The following TMEM67 variants were observed in gnomAD, a reference collection of about 807,000 sequenced individuals.
TMEM67 encodes the protein meckelin.
TMEM67 carries 124 observed loss-of-function variants against 136.6 expected under a neutral mutation model. The observed-to-expected ratio is 0.91, with a 90% CI of 0.78 to 1.05. The LOEUF (loss-of-function observed/expected upper bound fraction) is 1.05. TMEM67 is among the 50% of genes least tolerant of loss of function. TMEM67 has a pLI of 0.00. For missense variants in TMEM67, 1,107 were observed against 1,178.4 expected (o/e 0.94, Z 0.89); for synonymous variants, 364 against 390.5 (o/e 0.93, Z 0.80).
At position 93,786,322 on chromosome 8, in the gene TMEM67, G is replaced by C. The variant is rs369219859; in HGVS notation, c.1388G>C (p.Arg463Pro). 6.2e-7 allele frequency: 1 copy of C among 1,613,916 alleles called. No individual in the cohort carries two copies. The highest frequency in any genetic ancestry group is 1.1e-5 in the South Asian group (1 of 91,080). ...TTAGGAACTCAGCCAAGAGTAATTC[G>C]AGTTGCTACTCAAATATCACTGAGG... is the stretch of plus-strand genomic sequence containing the variant. ...NDLGTQPRVI[R>P]VATQISLSVH... The change falls in exon 13 of 28, where the codon CGA becomes CCA. Residue 463 changes from arginine to proline, a missense_variant. By Grantham distance (103) the Arg-to-Pro change is moderately radical. Coordinates refer to ENST00000453321, the MANE Select transcript of TMEM67 (RefSeq NM_153704.6).
At position 93,816,643 on chromosome 8, in the gene TMEM67, A is replaced by G. The variant is rs1808921555; in HGVS notation, c.*191A>G. 6.8e-6 allele frequency: 3 copies of G among 441,696 alleles called. No homozygotes were observed. The highest frequency in any genetic ancestry group is 7.5e-5 in the Admixed American group (2 of 26,676). 27.4% of individuals were successfully genotyped at this position (441,696 alleles called of 1,614,324 possible). On this transcript the variant is annotated 3_prime_UTR_variant, in exon 28 of 28. Transcript: ENST00000453321. ...ATATAATAGAAAATACTGTTTTCCC[A>G]TTGTGTGTAGTATTTAATGCAGTAA... is the stretch of plus-strand genomic sequence containing the variant.
rs185880433 is a variant in TMEM67 at position 93,797,652 on chromosome 8, T to C, written c.2100+182T>C. Among the ~76,000 whole-genome samples the C allele has an allele frequency of 2.7e-3, 410 of 152,304 alleles. 2 individuals carry two copies. Among genetic ancestry groups the C allele is most frequent in the African/African-American group, 9.5e-3 (393 of 41,566 alleles). ...ATTTTACCACAATTCTTTTTTTAAG[T>C]TTACCATCTTAAGCATTTTTAAGTG... On this transcript the variant is annotated intron_variant, in intron 20 of 27. Transcript: ENST00000453321.
At chr8:93,772,240 G>C (rs1350447163) in intron 6 of TMEM67, among the ~76,000 whole-genome samples, 3 of 152,080 alleles carry the variant, frequency 2.0e-5, no homozygotes, top group Non-Finnish European at 2.9e-5. Context: ...ATTTGGTACA[G>C]TATTTATAAT....
chr8:93,798,238 G>T (rs895165916), intron 20 of TMEM67, among the ~76,000 whole-genome samples: 1 of 151,948 alleles, frequency 6.6e-6, no homozygotes, highest in Non-Finnish European at 1.5e-5. Flanking sequence ...GAATCCCTTG[G>T]GGATCTTTTG....
At chr8:93,804,521 A>T (rs1586082385) in intron 22 of TMEM67, among the ~76,000 whole-genome samples, 1 of 101,088 alleles carries the variant, frequency 9.9e-6, no homozygotes, top group East Asian at 2.7e-4. Flanking sequence ...GAGTTTCCCT[A>T]TGTTGCCCAG....
the TMEM67 span, among the ~76,000 whole-genome samples, chr8:93,825,088 G>A: frequency 6.6e-6 from 1 of 152,204 alleles, no homozygotes; most frequent in Non-Finnish European, 1.5e-5. Flanking sequence ...GATTGAAGGA[G>A]ATAATAGAAG....
At chr8:93,805,652 A>ATTTTAATT (rs1229753607) in intron 23 of TMEM67, among the ~76,000 whole-genome samples, 12 of 152,258 alleles carry the variant, frequency 7.9e-5, no homozygotes, top group Non-Finnish European at 1.3e-4. Context: ...AAAGAATCTA[A>ATTTTAATT]TTTTAATTTT....
chr8:93,797,224 G>A lies in TMEM67; in HGVS notation c.1951G>A (p.Ala651Thr). The change falls in exon 19 of 28, where the codon GCT becomes ACT. Residue 651 changes from alanine to threonine, a missense_variant. Ala to Thr is a moderately conservative substitution (Grantham distance 58). This residue lies in a region of TMEM67 where 925 missense variants were observed against 1,002.4 expected (regional missense o/e 0.92). Transcript: ENST00000453321. ...GCGACCTAAAGGAAAGGTTCTTAAAGCTGTTGAAGGTAACTGAAATAAAAA... is the reference window on the plus strand; with the variant it reads ...GCGACCTAAAGGAAAGGTTCTTAAAACTGTTGAAGGTAACTGAAATAAAAA... ...WERPKGKVLKAVEGEGGVRSA... is the reference protein window; with the variant it reads ...WERPKGKVLKTVEGEGGVRSA... 6.2e-7 allele frequency: 1 copy of A among 1,612,448 alleles called. No individual in the cohort carries two copies. Among genetic ancestry groups the A allele is most frequent in the Non-Finnish European group, 8.5e-7 (1 of 1,178,492 alleles).
chr8:93,823,692 C>A (rs543792998), downstream of TMEM67, among the ~76,000 whole-genome samples: 1 of 152,186 alleles, frequency 6.6e-6, no homozygotes, highest in Admixed American at 6.5e-5. Context: ...TCTAGATTGA[C>A]CATTTGACAG....
chr8:93,760,796 A>T (rs1436068410), intron 3 of TMEM67, among the ~76,000 whole-genome samples: 1 of 152,154 alleles, frequency 6.6e-6, no homozygotes, highest in African/African-American at 2.4e-5. Flanking sequence ...TAATGCATAC[A>T]ATAGACAGAG....
chr8:93,815,370 C>G lies in TMEM67; in HGVS notation c.2830C>G (p.Leu944Val). 1.2e-5 allele frequency: 20 copies of G among 1,611,998 alleles called. No homozygotes were observed. Among genetic ancestry groups the G allele is most frequent in the Non-Finnish European group, 1.7e-5 (20 of 1,178,734 alleles). Residue 944 changes from leucine (L) to valine (V), a missense_variant, in exon 27 of 28, where the codon CTG becomes GTG. By Grantham distance (32) the Leu-to-Val change is conservative. Transcript: ENST00000453321. ...TGAAGCTACTCTTCTTATTTTTGAT[C>G]TGCTGTTCTTCTGTGTTGTGGATTT... ...GNEATLLIFD[L>V]LFFCVVDLAC...
intron 7 of TMEM67, among the ~76,000 whole-genome samples, chr8:93,780,277 G>A (rs541435246): frequency 6.6e-6 from 1 of 152,130 alleles, no homozygotes; most frequent in East Asian, 1.9e-4. Context: ...AGTCTGTCAC[G>A]GCTTCCCTTG....
At chr8:93,816,331 G>T in intron 27 of TMEM67, 41 bp from the exon 28 acceptor site, 2 of 1,008,270 alleles carry the variant, frequency 2.0e-6, no homozygotes, top group Non-Finnish European at 3.1e-6. Context: ...ATTTAATTCT[G>T]TTTATATTTC....
chr8:93,755,203 G>A, intron 1 of TMEM67, 66 bp downstream of exon 1: 1 of 1,404,916 alleles, frequency 7.1e-7, no homozygotes, highest in Non-Finnish European at 1.0e-6. Flanking sequence ...CCTAGTCCCC[G>A]TAAATGGAGT....
chr8:93,765,823 C>T (rs1813059641), intron 6 of TMEM67, among the ~76,000 whole-genome samples, 177 bp downstream of exon 6: 1 of 152,140 alleles, frequency 6.6e-6, no homozygotes, highest in Admixed American at 6.5e-5. Context: ...GTACAGTACT[C>T]AGTCTGTACC....
At chr8:93,792,410 G>C (rs1814420859) in intron 15 of TMEM67, among the ~76,000 whole-genome samples, 1 of 151,950 alleles carries the variant, frequency 6.6e-6, no homozygotes, top group African/African-American at 2.4e-5. Context: ...CTGACCTCAG[G>C]CAATCCGCCC....
chr8:93,826,670 G>C, the TMEM67 span, among the ~76,000 whole-genome samples: 3 of 152,086 alleles, frequency 2.0e-5, no homozygotes, highest in Non-Finnish European at 4.4e-5. Context: ...TAAGCCCAAT[G>C]ATCTCTAAGT....
chr8:93,773,594 G>A (rs1462962252), intron 7 of TMEM67, among the ~76,000 whole-genome samples: 1 of 152,098 alleles, frequency 6.6e-6, no homozygotes, highest in African/African-American at 2.4e-5. Context: ...CTCATGAGCT[G>A]GATAAGGGGC....
downstream of TMEM67, chr8:93,818,880 C>G: frequency 3.0e-6 from 1 of 331,730 alleles, no homozygotes; most frequent in Non-Finnish European, 5.8e-6. Context: ...TTGGCCCACT[C>G]TAACCTCTGC....
Sources: gnomAD v4.1 joint callset for allele counts (sites outside exome capture counted in the v4.1 genomes callset) on GRCh38, gnomAD v4.1.1 for gene constraint, gnomAD v4.1.1 regional missense constraint, MANE v1.5 for transcripts, NCBI Gene and HGNC (gene_info 2026-07-23, HGNC 2026-07-21) for gene names.